SH2D4B: variants seen among roughly 807,000 people sequenced by gnomAD.
The protein encoded by SH2D4B is SH2 domain-containing protein 4B.
Under a neutral mutation model 61.5 loss-of-function variants are expected in SH2D4B, and 45 were observed. The ratio of observed to expected loss-of-function variants is 0.73; its 90% CI spans 0.58 to 0.94. SH2D4B has a LOEUF of 0.94. Ranked by LOEUF, SH2D4B falls within the 40% of genes least tolerant of loss-of-function variation. The pLI is 0.00. For synonymous variants in SH2D4B, 224 were observed against 220.4 expected (o/e 1.02, Z -0.14); for missense variants, 572 against 574.2 (o/e 1.00, Z 0.04).
chr10:80,577,428 C>CTT lies in SH2D4B; in HGVS notation c.495+5851_495+5852insTT, dbSNP rs1842138400. Among the ~76,000 whole-genome samples, 17 of 141,226 alleles carry CTT rather than the reference C, an allele frequency of 1.2e-4. No individual in the cohort carries two copies. In the South Asian group the frequency reaches 3.5e-3, roughly 29 times the overall value. 92.6% of individuals were successfully genotyped at this position (141,226 alleles called of 152,430 possible). A position where few individuals can be genotyped will look rare whatever the true frequency, so the allele number is the denominator to read the frequency against. On this transcript the variant is annotated intron_variant, in intron 3 of 7. Coordinates refer to ENST00000646907, the MANE Select transcript of SH2D4B (RefSeq NM_001388272.1). ...TAGTTGTTTTAGACCACTGAATTTT[C>CTT]TGTTTTTTTTTTTTTTGAGACGGAG...
intron 1 of SH2D4B, among the ~76,000 whole-genome samples, chr10:80,567,189 G>A (rs146763532): frequency 9.6e-4 from 146 of 152,176 alleles, no homozygotes; most frequent in African/African-American, 3.4e-3. Flanking sequence ...AGGCACACCC[G>A]CTGCTAACCA....
At chr10:80,622,398 A>T (rs555957231) in intron 6 of SH2D4B, among the ~76,000 whole-genome samples, 1 of 152,336 alleles carries the variant, frequency 6.6e-6, no homozygotes, top group African/African-American at 2.4e-5. Context: ...ACATGAAATT[A>T]GTTTTCCTGA....
intron 1 of SH2D4B, among the ~76,000 whole-genome samples, chr10:80,550,895 T>C (rs1187492805): frequency 1.3e-5 from 2 of 151,930 alleles, no homozygotes; most frequent in South Asian, 2.1e-4. Context: ...GAAAAACATA[T>C]ATTGCAGGTG....
rs555010094 is a variant in SH2D4B, at chr10:80,585,216, A to G, written c.496-3414A>G. On this transcript the variant is annotated intron_variant, in intron 3 of 7. Transcript: ENST00000646907. ...AGACTTAAGGTTAAGACATAATCAT[A>G]CCCTGCTTCACTGGCTTTCAGGAAG... is the stretch of plus-strand genomic sequence containing the variant. 2.1e-4 allele frequency among the ~76,000 whole-genome samples: 32 copies of G among 152,186 alleles called. 2 individuals are homozygous for G. In the South Asian group the frequency reaches 6.6e-3, roughly 32 times the overall value.
chr10:80,583,759 G>A (rs1842212387), intron 3 of SH2D4B, among the ~76,000 whole-genome samples: 1 of 152,120 alleles, frequency 6.6e-6, no homozygotes, highest in African/African-American at 2.4e-5. Flanking sequence ...TGACAAATAG[G>A]AGCTCTATAA....
chr10:80,639,361 GGTCT>G (rs1012960539), intron 7 of SH2D4B, among the ~76,000 whole-genome samples: 4 of 152,280 alleles, frequency 2.6e-5, no homozygotes, highest in Admixed American at 2.0e-4. Context: ...CTGTCTCATT[GGTCT>G]GTCTAATATT....
chr10:80,577,309 A>G (rs1842137174), intron 3 of SH2D4B, among the ~76,000 whole-genome samples: 1 of 152,192 alleles, frequency 6.6e-6, no homozygotes, highest in Admixed American at 6.5e-5. Context: ...CAACCAAATG[A>G]TTGACCTCAA....
intron 4 of SH2D4B, 80 bp downstream of exon 4, chr10:80,588,857 C>T (rs929305656): frequency 8.4e-6 from 13 of 1,544,940 alleles, no homozygotes; most frequent in Middle Eastern, 2.1e-4. Flanking sequence ...TGTACTCATT[C>T]GTCATTTCCA....
At chr10:80,613,392 A>T (rs1313916036) in intron 6 of SH2D4B, among the ~76,000 whole-genome samples, 2 of 152,360 alleles carry the variant, frequency 1.3e-5, no homozygotes, top group African/African-American at 4.8e-5. Context: ...CTCAGTCAGA[A>T]CCCATTTCTC....
rs1181113506 is a variant in SH2D4B at position 80,613,030 on chromosome 10, A to AGT, written c.988+3484_988+3485dup. On this transcript the variant is annotated intron_variant, in intron 6 of 7. Transcript: ENST00000646907. The stretch of plus-strand genomic sequence containing the variant: ...TTTGTCCACCATAAAAAGCCATGCC[A>AGT]GTGTGTTTCCTGATGTTTCCTGGGA... Among the ~76,000 whole-genome samples the AGT allele has an allele frequency of 4.6e-5, 7 of 152,340 alleles. 1 individual carries two copies. Among genetic ancestry groups the AGT allele is most frequent in the Middle Eastern group, 3.4e-3 (1 of 294 alleles).
At chr10:80,596,138 T>C (rs558945798) in intron 4 of SH2D4B, among the ~76,000 whole-genome samples, 1 of 152,348 alleles carries the variant, frequency 6.6e-6, no homozygotes, top group African/African-American at 2.4e-5. Flanking sequence ...TCAAAGCTCA[T>C]TTTTTATCTG....
intron 3 of SH2D4B, among the ~76,000 whole-genome samples, chr10:80,575,898 A>C (rs549514394): frequency 6.6e-6 from 1 of 152,326 alleles, no homozygotes; most frequent in Admixed American, 6.5e-5. Flanking sequence ...TTCAAATCCA[A>C]CCCACAGTGG....
chr10:80,548,734 C>A (rs1841715454), intron 1 of SH2D4B, among the ~76,000 whole-genome samples: 1 of 152,184 alleles, frequency 6.6e-6, no homozygotes, highest in African/African-American at 2.4e-5. Flanking sequence ...GGCAGATCCC[C>A]TTGGAATTAG....
At position 80,616,761 on chromosome 10, in the gene SH2D4B, A is replaced by C. The variant is rs111722641; in HGVS notation, c.988+7210A>C. Among the ~76,000 whole-genome samples, 440 of 152,344 alleles carry C rather than the reference A, an allele frequency of 2.9e-3. 4 individuals carry two copies. Among genetic ancestry groups the C allele is most frequent in the African/African-American group, 0.01 (429 of 41,582 alleles). ...GTATTGGCTTTTTGTGTTTTAACTA[A>C]TAATTTGGGAACAGTTACTTTGTGC... On this transcript the variant is annotated intron_variant, in intron 6 of 7. Coordinates refer to ENST00000646907, the MANE Select transcript of SH2D4B (RefSeq NM_001388272.1).
chr10:80,592,714 TC>T (rs1842344204), intron 4 of SH2D4B, among the ~76,000 whole-genome samples: 4 of 124,866 alleles, frequency 3.2e-5, no homozygotes, highest in African/African-American at 1.5e-4. Flanking sequence ...TCTCTCTGTC[TC>T]TTTTTTTTTT....
intron 1 of SH2D4B, among the ~76,000 whole-genome samples, chr10:80,549,203 T>TATG (rs59438371): frequency 3.3e-5 from 4 of 120,230 alleles, no homozygotes; most frequent in African/African-American, 1.2e-4. Context: ...TGGGACTTGA[T>TATG]TGTGTGTGTG....
At chr10:80,548,193 T>C (rs2343555) in intron 1 of SH2D4B, among the ~76,000 whole-genome samples, 59,326 of 152,070 alleles carry the variant, frequency 0.39, 14,562 homozygotes, top group African/African-American at 0.7. Flanking sequence ...CTTAGACAGT[T>C]TCACTCTGTC....
At chr10:80,623,458 G>A (rs1842738857) in intron 6 of SH2D4B, among the ~76,000 whole-genome samples, 1 of 152,106 alleles carries the variant, frequency 6.6e-6, no homozygotes, top group African/African-American at 2.4e-5. Context: ...ATCTCCTAAA[G>A]ACCCCTTCTG....
At chr10:80,541,127 G>T (rs996479937) in intron 1 of SH2D4B, among the ~76,000 whole-genome samples, 1 of 152,196 alleles carries the variant, frequency 6.6e-6, no homozygotes, top group Non-Finnish European at 1.5e-5. Context: ...TTTTATGGGT[G>T]TTTCTTTAAT....
Sources: gnomAD v4.1 joint callset for allele counts (sites outside exome capture counted in the v4.1 genomes callset) on GRCh38, gnomAD v4.1.1 for gene constraint, MANE v1.5 for transcripts, NCBI Gene and HGNC (gene_info 2026-07-23, HGNC 2026-07-21) for gene names.